Variants in ECE1 observed in about 807,000 individuals in gnomAD.
ECE1 encodes the protein endothelin-converting enzyme 1.
In ECE1, 35 loss-of-function variants were observed where a neutral mutation model predicts 98.6. The observed-to-expected ratio is 0.35, with a 90% CI of 0.27 to 0.47. ECE1 has a LOEUF of 0.47. Among genes scored for constraint, ECE1 ranks in the 20% least tolerant of loss-of-function variants. The pLI is 1.00. For synonymous variants in ECE1, 394 were observed against 407.1 expected, an observed-to-expected ratio of 0.97 and a Z score of 0.39; for missense variants, 814 against 1,025.3, an observed-to-expected ratio of 0.79 and a Z score of 2.81.
rs11293119 is a variant in ECE1 at position 21,225,695 on chromosome 1, C to CT, written c.1850-256dup. Among the ~76,000 whole-genome samples the CT allele has an allele frequency of 0.25, 33,956 of 137,230 alleles. 4,604 individuals carry two copies. The highest frequency in any genetic ancestry group is 0.31 in the Non-Finnish European group (19,784 of 63,912). The allele number at this position is 137,230 out of a possible 152,430, so 90.0% of individuals were successfully genotyped here. ...CAGTGGGGCTTGCTTTGTTTTCTTT[C>CT]TTTTTTTTTTTTTTTTGAGACAGTC... On this transcript the variant is annotated intron_variant, in intron 16 of 18. Transcript: ENST00000374893. The surrounding 1 kb of genome is among the most constrained non-coding windows in gnomAD (Gnocchi z 5.3).
intron 14 of ECE1, among the ~76,000 whole-genome samples, chr1:21,232,183 CA>C (rs1359046318): frequency 1.3e-5 from 2 of 152,182 alleles, no homozygotes. Flanking sequence ...AAGTTGATTG[CA>C]CCCTTCCCTA....
intron 8 of ECE1, among the ~76,000 whole-genome samples, chr1:21,253,532 G>A (rs2098215508): frequency 6.6e-6 from 1 of 151,508 alleles, no homozygotes; most frequent in African/African-American, 2.4e-5. Context: ...GGAGGCCGAG[G>A]CGGGCAACTC....
chr1:21,237,836 A>G (rs1299118570), intron 11 of ECE1, among the ~76,000 whole-genome samples: 3 of 152,198 alleles, frequency 2.0e-5, no homozygotes, highest in Non-Finnish European at 2.9e-5. Context: ...TTCTGCCAAC[A>G]TTCTCTCTGG....
intron 14 of ECE1, 58 bp from the exon 15 acceptor site, chr1:21,228,099 G>T: frequency 1.5e-6 from 2 of 1,375,210 alleles, no homozygotes; most frequent in Non-Finnish European, 2.0e-6. Flanking sequence ...GGTGGGGACA[G>T]CCTGCCTGGA....
At chr1:21,270,960 A>G (rs1409531844) in intron 4 of ECE1, among the ~76,000 whole-genome samples, 1 of 152,214 alleles carries the variant, frequency 6.6e-6, no homozygotes, top group African/African-American at 2.4e-5. Context: ...GCACTGGAGA[A>G]GGGTCGTCCT....
intron 8 of ECE1, 119 bp from the exon 9 acceptor site, chr1:21,247,482 C>T (rs996048375): frequency 2.5e-5 from 37 of 1,454,218 alleles, no homozygotes; most frequent in Middle Eastern, 4.6e-4. Context: ...CATCTGACAG[C>T]GCACCGGGCA....
intron 18 of ECE1, 106 bp downstream of exon 18, chr1:21,221,640 TG>T: frequency 8.7e-7 from 1 of 1,152,256 alleles, no homozygotes; most frequent in Non-Finnish European, 1.3e-6. Context: ...TCCAGTGACT[TG>T]GGAAGTTCTC....
chr1:21,238,334 A>G, intron 10 of ECE1, 90 bp from the exon 11 acceptor site: 1 of 1,048,776 alleles, frequency 9.5e-7, no homozygotes, highest in Non-Finnish European at 1.5e-6. Flanking sequence ...TGTGGGGCCC[A>G]TGCTTTGTTC....
upstream of ECE1, chr1:21,294,221 C>T (rs556276828): frequency 4.6e-4 from 70 of 152,574 alleles, no homozygotes; most frequent in African/African-American, 1.6e-3. The surrounding 1 kb of genome is among the most constrained non-coding windows in gnomAD (Gnocchi z 4.2). Flanking sequence ...GTGGGAACCT[C>T]ACAGAGTCTG....
At chr1:21,296,434 G>A (rs945804864) in intron 1 of ECE1, among the ~76,000 whole-genome samples, 4 of 152,120 alleles carry the variant, frequency 2.6e-5, no homozygotes, top group African/African-American at 9.7e-5. Context: ...GATTGCTTGA[G>A]CCTAGAAGGT....
chr1:21,290,198 T>C lies in ECE1; in HGVS notation c.52-42A>G, dbSNP rs771219479. ...AGCACGGACTCCCTCAGCGCCTCCA[T>C]GGCTCTCGCGCCCGAATGGGGAAGC... On this transcript the variant is annotated intron_variant, in intron 1 of 18. Transcript: ENST00000374893. The surrounding 1 kb of genome is among the most constrained non-coding windows in gnomAD (Gnocchi z 7.3). 1 of 1,485,122 alleles carries C rather than the reference T, an allele frequency of 6.7e-7. No homozygotes were observed. Among genetic ancestry groups the C allele is most frequent in the South Asian group, 1.3e-5 (1 of 76,700 alleles). 92.0% of individuals were successfully genotyped at this position (1,485,122 alleles called of 1,614,324 possible).
chr1:21,336,203 G>C (rs1182659804), intron 1 of ECE1, among the ~76,000 whole-genome samples: 1 of 152,132 alleles, frequency 6.6e-6, no homozygotes, highest in Non-Finnish European at 1.5e-5. Context: ...CAACTAGTGA[G>C]ACCTTGTCTC....
chr1:21,221,912 G>T, intron 17 of ECE1, 70 bp from the exon 18 acceptor site: 1 of 1,359,908 alleles, frequency 7.4e-7, no homozygotes, highest in Non-Finnish European at 1.1e-6. Context: ...TGGTATGGAG[G>T]TCTCAGGGAG....
At chr1:21,282,735 C>T (rs1423483908) in intron 2 of ECE1, among the ~76,000 whole-genome samples, 2 of 151,194 alleles carry the variant, frequency 1.3e-5, no homozygotes, top group African/African-American at 2.4e-5. Flanking sequence ...ATGGTGTGGG[C>T]GACAAGGAGA....
chr1:21,246,650 T>TGG (rs1267796550), intron 9 of ECE1, among the ~76,000 whole-genome samples: 1 of 152,136 alleles, frequency 6.6e-6, no homozygotes, highest in Non-Finnish European at 1.5e-5. Flanking sequence ...CAGCCCTAAA[T>TGG]GGTAGGTGCT....
chr1:21,228,279 A>G (rs1417642077), intron 14 of ECE1, among the ~76,000 whole-genome samples: 8 of 152,112 alleles, frequency 5.3e-5, no homozygotes, highest in Non-Finnish European at 1.0e-4. Context: ...GGCTGACTGC[A>G]GCCTCAACTT....
At chr1:21,316,036 T>C (rs1284302719) in intron 1 of ECE1, among the ~76,000 whole-genome samples, 1 of 152,190 alleles carries the variant, frequency 6.6e-6, no homozygotes. Context: ...GCTGTGTAAG[T>C]TGAGTACCTG....
chr1:21,277,570 AACACAC>A (rs28367945), intron 3 of ECE1, among the ~76,000 whole-genome samples: 1 of 150,804 alleles, frequency 6.6e-6, no homozygotes, highest in Admixed American at 6.6e-5. Flanking sequence ...AGGAGGCACA[AACACAC>A]ACACACACAC....
chr1:21,272,571 T>C, intron 4 of ECE1, 128 bp downstream of exon 4: 2 of 1,135,730 alleles, frequency 1.8e-6, no homozygotes, highest in South Asian at 1.3e-5. Flanking sequence ...GGATTACAGG[T>C]GTGAGCCACC....
Sources: allele counts gnomAD v4.1 joint callset (sites outside exome capture counted in the v4.1 genomes callset), GRCh38; gene constraint gnomAD v4.1.1; non-coding constraint Gnocchi (gnomAD v3.1); transcripts MANE v1.5; gene names NCBI Gene and HGNC (gene_info 2026-07-23, HGNC 2026-07-21).